GPC6: variants seen among roughly 807,000 people sequenced by gnomAD.
GPC6 encodes glypican-6.
A neutral mutation model predicts 55.2 loss-of-function variants in GPC6; 14 were observed. That is an observed-to-expected ratio of 0.25 (90% CI 0.17 to 0.40). GPC6 has a LOEUF of 0.40. Ranked by LOEUF, GPC6 falls within the 10% of genes least tolerant of loss-of-function variation. The pLI, the probability that GPC6 is intolerant of heterozygous loss-of-function variation, is 1.00. For missense variants in GPC6, 641 were observed against 708.5 expected (o/e 0.90, Z 1.08); for synonymous variants, 278 against 259.6 (o/e 1.07, Z -0.68).
At chr13:93,728,372 G>A (rs1594406295) in intron 2 of GPC6, among the ~76,000 whole-genome samples, 2 of 150,166 alleles carry the variant, frequency 1.3e-5, no homozygotes, top group South Asian at 2.1e-4. Flanking sequence ...CTACCACCAC[G>A]CCTGGCTAAA....
intron 3 of GPC6, among the ~76,000 whole-genome samples, chr13:94,012,679 G>A (rs1882297327): frequency 1.3e-5 from 2 of 152,152 alleles, no homozygotes; most frequent in African/African-American, 2.4e-5. Flanking sequence ...ACTTACACTA[G>A]GTGTTTAAAG....
intron 1 of GPC6, among the ~76,000 whole-genome samples, chr13:93,496,693 A>G (rs1880307494): frequency 6.6e-6 from 1 of 152,182 alleles, no homozygotes; most frequent in African/African-American, 2.4e-5. Context: ...GCCATTTACA[A>G]GCTCTGTGAC....
intron 4 of GPC6, among the ~76,000 whole-genome samples, chr13:94,075,513 A>G (rs1038637298): frequency 1.3e-5 from 2 of 152,076 alleles, no homozygotes; most frequent in African/African-American, 2.4e-5. Context: ...ACATTACCAT[A>G]CTGTTAATTA....
chr13:93,533,475 G>C (rs934508143), intron 1 of GPC6, among the ~76,000 whole-genome samples: 19 of 152,188 alleles, frequency 1.2e-4, no homozygotes, highest in African/African-American at 4.6e-4. Flanking sequence ...CTTGGTACCA[G>C]ATGTGCTTGT....
At chr13:93,667,708 G>A (rs1881197595) in intron 2 of GPC6, among the ~76,000 whole-genome samples, 1 of 138,924 alleles carries the variant, frequency 7.2e-6, no homozygotes, top group South Asian at 2.1e-4. Context: ...GATTATAGGT[G>A]TAAACCACCA....
intron 1 of GPC6, among the ~76,000 whole-genome samples, chr13:93,510,134 T>G (rs2139383082): frequency 6.6e-6 from 1 of 152,286 alleles, no homozygotes; most frequent in South Asian, 2.1e-4. Context: ...ATTTTATGGG[T>G]TTTTGTGAAA....
At chr13:94,039,682 TGG>T (rs1883463760) in intron 4 of GPC6, among the ~76,000 whole-genome samples, 1 of 151,840 alleles carries the variant, frequency 6.6e-6, no homozygotes, top group African/African-American at 2.4e-5. Flanking sequence ...GGACAAAAGC[TGG>T]GATGTCACAA....
chr13:94,333,527 T>G (rs1035042972), intron 6 of GPC6, among the ~76,000 whole-genome samples: 1 of 152,242 alleles, frequency 6.6e-6, no homozygotes, highest in Non-Finnish European at 1.5e-5. Flanking sequence ...CATTGTCCTT[T>G]AGTTGCACTT....
At chr13:93,789,609 AT>A (rs1445590174) in intron 2 of GPC6, among the ~76,000 whole-genome samples, 872 of 12,140 alleles carry the variant, frequency 0.072, 42 homozygotes, top group African/African-American at 0.19. Context: ...ATATATATAT[AT>A]ATATATATAT....
At chr13:93,577,098 T>C (rs945044078) in intron 2 of GPC6, among the ~76,000 whole-genome samples, 58 of 152,130 alleles carry the variant, frequency 3.8e-4, no homozygotes, top group African/African-American at 1.4e-3. Flanking sequence ...AGTATGAGTG[T>C]TCTAGGAAAC....
intron 3 of GPC6, among the ~76,000 whole-genome samples, chr13:93,927,843 T>C (rs1289841033): frequency 1.3e-5 from 2 of 152,178 alleles, no homozygotes; most frequent in Non-Finnish European, 2.9e-5. Flanking sequence ...ACCATTAGCA[T>C]ATTTTTTCTT....
At chr13:93,536,526 T>C (rs1882070251) in intron 1 of GPC6, among the ~76,000 whole-genome samples, 1 of 152,184 alleles carries the variant, frequency 6.6e-6, no homozygotes, top group Non-Finnish European at 1.5e-5. Context: ...TTGCTTAACA[T>C]AATGTCCATG....
chr13:93,363,463 C>T (rs1881124907), intron 1 of GPC6, among the ~76,000 whole-genome samples: 1 of 152,106 alleles, frequency 6.6e-6, no homozygotes, highest in African/African-American at 2.4e-5. Flanking sequence ...AAGACATGAA[C>T]TCATCATTTT....
chr13:93,990,720 C>T (rs532975707), intron 3 of GPC6, among the ~76,000 whole-genome samples: 3 of 150,762 alleles, frequency 2.0e-5, no homozygotes, highest in South Asian at 2.1e-4. Flanking sequence ...TTTTAATTAG[C>T]CAAGCATGAT....
At chr13:93,459,107 G>A (rs1753228627) in intron 1 of GPC6, among the ~76,000 whole-genome samples, 1 of 152,156 alleles carries the variant, frequency 6.6e-6, no homozygotes, top group Non-Finnish European at 1.5e-5. Flanking sequence ...TGCTCAGGCT[G>A]GAGTGCAGTG....
chr13:94,272,669 C>T (rs772360212), intron 4 of GPC6, among the ~76,000 whole-genome samples: 17 of 151,726 alleles, frequency 1.1e-4, no homozygotes, highest in Non-Finnish European at 2.1e-4. Flanking sequence ...AGGGTTTCAC[C>T]GTGTTAGCCA....
At chr13:93,780,327 A>G (rs1381552161) in intron 2 of GPC6, among the ~76,000 whole-genome samples, 3 of 152,080 alleles carry the variant, frequency 2.0e-5, no homozygotes, top group East Asian at 1.9e-4. Context: ...GGCTACACAT[A>G]TAGTCAATTA....
chr13:94,355,281 C>T (rs563311601), intron 6 of GPC6, among the ~76,000 whole-genome samples: 2 of 152,262 alleles, frequency 1.3e-5, no homozygotes, highest in South Asian at 4.2e-4. Context: ...CGTCGGCCTC[C>T]CAAAGTGCTG....
intron 4 of GPC6, among the ~76,000 whole-genome samples, chr13:94,043,180 C>T (rs901123840): frequency 3.3e-5 from 5 of 151,714 alleles, no homozygotes; most frequent in African/African-American, 7.2e-5. Flanking sequence ...ACCTGTTCTC[C>T]GGGGAGCACT....
Sources: gnomAD v4.1 joint callset for allele counts (sites outside exome capture counted in the v4.1 genomes callset) on GRCh38, gnomAD v4.1.1 for gene constraint, MANE v1.5 for transcripts, NCBI Gene and HGNC (gene_info 2026-07-23, HGNC 2026-07-21) for gene names.